LRSAM1: variants seen among roughly 807,000 people sequenced by gnomAD.
The protein encoded by LRSAM1 is E3 ubiquitin-protein ligase LRSAM1.
LRSAM1 carries 96 observed loss-of-function variants against 118.1 expected under a neutral mutation model. The ratio of observed to expected loss-of-function variants is 0.81; its 90% CI spans 0.69 to 0.96. The LOEUF (loss-of-function observed/expected upper bound fraction) is 0.96, where lower values mean the gene tolerates loss of function less well. LRSAM1 is among the 40% of genes least tolerant of loss of function. The probability of loss-of-function intolerance (pLI) is 0.00; values close to 1 mark genes in which losing one functional copy is unlikely to be tolerated. For synonymous variants in LRSAM1, 322 were observed against 364.2 expected (o/e 0.88, Z 1.32); for missense variants, 804 against 915.5 (o/e 0.88, Z 1.57).
chr9:127,500,998 T>C lies in LRSAM1; in HGVS notation c.1913-12T>C, dbSNP rs1836364930. ...ATGACCCTGGCTCAGTCTGTCTGTC[T>C]GGTCCCCACAGAGCTGAAACCACCA... On this transcript the variant is annotated splice_polypyrimidine_tract_variant and intron_variant, in intron 24 of 25. Transcript: ENST00000300417. The C allele has an allele frequency of 3.1e-6, 5 of 1,613,780 alleles. No homozygotes were observed. Among genetic ancestry groups the C allele is most frequent in the Non-Finnish European group, 4.2e-6 (5 of 1,180,024 alleles).
intron 9 of LRSAM1, among the ~76,000 whole-genome samples, chr9:127,464,396 C>T (rs10987658): frequency 9.2e-6 from 1 of 108,812 alleles, no homozygotes; most frequent in Non-Finnish European, 1.8e-5. Flanking sequence ...CCACTGGCCA[C>T]GTGTATCTAT....
chr9:127,495,244 C>T lies in LRSAM1; in HGVS notation c.1600-76C>T, dbSNP rs1292884523. On this transcript the variant is annotated intron_variant, in intron 21 of 25. Transcript: ENST00000300417. ...CTGGGATTACAGGCATGAGCCACCG[C>T]GCCTGGCAACCATCATTGTTATTAC... 4.4e-5 allele frequency: 62 copies of T among 1,399,376 alleles called. 1 individual carries two copies. The East Asian group carries it at 9.3e-4, about 21-fold the overall frequency. The allele number at this position is 1,399,376 out of a possible 1,614,324, so 86.7% of individuals were successfully genotyped here.
chr9:127,464,648 AT>A (rs1396473919), intron 9 of LRSAM1, among the ~76,000 whole-genome samples: 2 of 150,476 alleles, frequency 1.3e-5, no homozygotes, highest in Non-Finnish European at 3.0e-5. Flanking sequence ...GGACACTTCA[AT>A]TTTTTTTTCT....
rs770667136 is a variant in LRSAM1 at position 127,492,792 on chromosome 9, T to C, written c.1504-10T>C. 6 of 1,612,984 alleles carry C rather than the reference T, an allele frequency of 3.7e-6. No homozygotes were observed. The African/African-American group carries it at 6.7e-5, about 18-fold the overall frequency. On this transcript the variant is annotated splice_polypyrimidine_tract_variant and intron_variant, in intron 20 of 25. Transcript: ENST00000300417. ...GCTCACGGTGGTGCGGGGTGTGGTCTTGTTCGCAGGAGATGATCTCGGAGC... is the reference window on the plus strand; with the variant it reads ...GCTCACGGTGGTGCGGGGTGTGGTCCTGTTCGCAGGAGATGATCTCGGAGC...
intron 17 of LRSAM1, among the ~76,000 whole-genome samples, chr9:127,487,271 C>T (rs1835766649): frequency 6.6e-6 from 1 of 152,074 alleles, no homozygotes; most frequent in African/African-American, 2.4e-5. Context: ...AAGGGCTGCT[C>T]CTTGCTCCCT....
chr9:127,484,830 A>G (rs1360833155), intron 16 of LRSAM1, among the ~76,000 whole-genome samples: 3 of 105,762 alleles, frequency 2.8e-5, no homozygotes, highest in East Asian at 2.6e-4. Flanking sequence ...TTTTTTTGAG[A>G]TAGGGTCTTG....
At chr9:127,496,622 C>T (rs1836155330) in intron 23 of LRSAM1, among the ~76,000 whole-genome samples, 2 of 152,194 alleles carry the variant, frequency 1.3e-5, no homozygotes, top group Non-Finnish European at 2.9e-5. Context: ...CAGCAGGGTA[C>T]ATATCATTAT....
intron 11 of LRSAM1, among the ~76,000 whole-genome samples, chr9:127,478,575 C>T (rs1024265274): frequency 1.3e-5 from 2 of 152,206 alleles, no homozygotes; most frequent in Non-Finnish European, 1.5e-5. Flanking sequence ...GGACTGGAAC[C>T]GGGTGCTGTA....
chr9:127,501,851 C>T (rs1836406383), intron 25 of LRSAM1, among the ~76,000 whole-genome samples: 1 of 152,244 alleles, frequency 6.6e-6, no homozygotes, highest in Non-Finnish European at 1.5e-5. Flanking sequence ...CTTAGAAAAG[C>T]AGCCATGTTT....
chr9:127,467,130 G>A (rs546480778), intron 9 of LRSAM1, among the ~76,000 whole-genome samples: 1 of 152,278 alleles, frequency 6.6e-6, no homozygotes, highest in East Asian at 1.9e-4. Flanking sequence ...AATTCTCTTG[G>A]CCCTGAGGAA....
intron 10 of LRSAM1, chr9:127,471,062 G>T (rs1422082322): frequency 2.6e-5 from 4 of 152,030 alleles, no homozygotes; most frequent in African/African-American, 4.8e-5. Context: ...GTGGAGGGGG[G>T]TGGCTGCGAT....
At chr9:127,487,534 C>G in intron 17 of LRSAM1, 142 bp from the exon 18 acceptor site, 1 of 733,436 alleles carries the variant, frequency 1.4e-6, no homozygotes, top group Admixed American at 2.1e-5. Flanking sequence ...GTGGCCCACC[C>G]AGGGCCCGGC....
Position 127,467,804 on chromosome 9 carries a change from C to A in LRSAM1, c.593C>A (p.Ala198Glu), listed in dbSNP as rs758867006. Residue 198 changes from alanine (A) to glutamate (E), a missense_variant, in exon 10 of 26, where the codon GCG (alanine) becomes GAG (glutamate). By Grantham distance (107) the Ala-to-Glu change is moderately radical. Coordinates refer to ENST00000300417, the MANE Select transcript of LRSAM1 (RefSeq NM_001005373.4). ...CGGGAGGTGTGTGGTGCCGGCACTGCGGCCATCTTGCAGTTCCTCTGCAAA... is the reference window on the plus strand; with the variant it reads ...CGGGAGGTGTGTGGTGCCGGCACTGAGGCCATCTTGCAGTTCCTCTGCAAA... ...PPREVCGAGTAAILQFLCKES... is the reference protein window; with the variant it reads ...PPREVCGAGTEAILQFLCKES... 85 of 1,605,516 alleles carry A rather than the reference C, an allele frequency of 5.3e-5. 1 individual carries two copies. The highest frequency in any genetic ancestry group is 4.5e-4 in the South Asian group (40 of 89,460).
Position 127,497,277 on chromosome 9 carries a change from C to T in LRSAM1, c.1855C>T (p.Gln619Ter). Reference sequence around the variant, plus strand: ...GGTGGGCGTCTCAGAAGCTGGCCTGCAGCACGAGATCCTCCGGAGAGTCCA... The same window carrying T: ...GGTGGGCGTCTCAGAAGCTGGCCTGTAGCACGAGATCCTCCGGAGAGTCCA... ...AKVGVSEAGL[Q>*]HEILRRVQEL... is the part of the protein sequence containing the mutation. Residue 619 changes from glutamine (Q) to a stop codon, truncating the protein, a stop_gained, in exon 24 of 26, where the codon CAG becomes TAG. Transcript: ENST00000300417. LOFTEE classifies it high-confidence loss of function. The T allele has an allele frequency of 6.2e-7, 1 of 1,613,210 alleles. No homozygotes were observed. Among genetic ancestry groups the T allele is most frequent in the Non-Finnish European group, 8.5e-7 (1 of 1,179,964 alleles).
chr9:127,462,925 G>A (rs1398097153), intron 9 of LRSAM1, among the ~76,000 whole-genome samples: 1 of 152,070 alleles, frequency 6.6e-6, no homozygotes, highest in Non-Finnish European at 1.5e-5. Flanking sequence ...GCTGGGCACC[G>A]TGGCTCACTC....
intron 11 of LRSAM1, among the ~76,000 whole-genome samples, chr9:127,478,247 A>C (rs1041866348): frequency 5.3e-5 from 8 of 152,012 alleles, no homozygotes; most frequent in Admixed American, 5.2e-4. Flanking sequence ...TCCACCCTGC[A>C]CTCCCGTTGC....
chr9:127,499,479 T>G (rs1030598672), intron 24 of LRSAM1, among the ~76,000 whole-genome samples: 1 of 151,514 alleles, frequency 6.6e-6, no homozygotes, highest in African/African-American at 2.4e-5. Flanking sequence ...TGCAGTGAGC[T>G]GTGATCATGA....
intron 14 of LRSAM1, among the ~76,000 whole-genome samples, chr9:127,480,642 T>C (rs1454684356): frequency 6.6e-6 from 1 of 152,230 alleles, no homozygotes; most frequent in Non-Finnish European, 1.5e-5. Flanking sequence ...TTGTTACATC[T>C]ATTTCTTCAT....
chr9:127,488,436 A>C (rs1564276825), intron 18 of LRSAM1, among the ~76,000 whole-genome samples: 1 of 151,696 alleles, frequency 6.6e-6, no homozygotes, highest in Non-Finnish European at 1.5e-5. Flanking sequence ...TAATTTTTGT[A>C]TTTTTAGTAG....
Sources: allele counts gnomAD v4.1 joint callset (sites outside exome capture counted in the v4.1 genomes callset), GRCh38; gene constraint gnomAD v4.1.1; transcripts MANE v1.5; gene names NCBI Gene and HGNC (gene_info 2026-07-23, HGNC 2026-07-21).